Variants in NLRP8 observed in about 807,000 individuals in gnomAD.
NLRP8 encodes NACHT, LRR and PYD domains-containing protein 8.
Under a neutral mutation model 88.7 loss-of-function variants are expected in NLRP8, and 86 were observed. The observed-to-expected ratio is 0.97, with a 90% CI of 0.81 to 1.16. The LOEUF (loss-of-function observed/expected upper bound fraction) is 1.16, where lower values mean the gene tolerates loss of function less well. Among genes scored for constraint, NLRP8 ranks in the 50% most tolerant of loss-of-function variants. NLRP8 has a pLI of 0.00. For synonymous variants in NLRP8, 504 were observed against 494.6 expected, an observed-to-expected ratio of 1.02 and a Z score of -0.25; for missense variants, 1,342 against 1,286.5, an observed-to-expected ratio of 1.04 and a Z score of -0.66.
intron 1 of NLRP8, among the ~76,000 whole-genome samples, chr19:55,951,282 G>A (rs1019789654): frequency 6.6e-6 from 1 of 151,988 alleles, no homozygotes; most frequent in Non-Finnish European, 1.5e-5. Context: ...ACTAAATAAG[G>A]TGTCTTTAAA....
intron 9 of NLRP8, among the ~76,000 whole-genome samples, chr19:55,984,719 C>A (rs1192687399): frequency 6.6e-6 from 1 of 151,024 alleles, no homozygotes; most frequent in Non-Finnish European, 1.5e-5. Flanking sequence ...CGCCTGTAAT[C>A]CCACCCCTTT....
intron 5 of NLRP8, among the ~76,000 whole-genome samples, chr19:55,968,139 T>A (rs1979922570): frequency 6.6e-6 from 1 of 152,234 alleles, no homozygotes; most frequent in Non-Finnish European, 1.5e-5. Context: ...TTTTTAACCA[T>A]TTAAAAATTT....
At position 55,966,532 on chromosome 19, in the gene NLRP8, G is replaced by A. The variant is rs2123207278; in HGVS notation, c.2381+152G>A. The A allele has an allele frequency of 6.8e-6, 5 of 736,610 alleles. No individual in the cohort carries two copies. In the East Asian group the frequency reaches 1.1e-4, roughly 17 times the overall value. 45.6% of individuals were successfully genotyped at this position (736,610 alleles called of 1,614,324 possible). On this transcript the variant is annotated intron_variant, in intron 5 of 9. Coordinates refer to ENST00000291971, the MANE Select transcript of NLRP8 (RefSeq NM_176811.2). ...AAAAGTACAATTTGGGCCGGGCGCG[G>A]TGGCTCACGACTGTAATCCCAGCAC... is the stretch of plus-strand genomic sequence containing the variant.
chr19:55,962,955 C>T (rs1012414133), intron 4 of NLRP8, among the ~76,000 whole-genome samples: 2 of 152,074 alleles, frequency 1.3e-5, no homozygotes, highest in South Asian at 2.1e-4. Context: ...AAGCCACGTG[C>T]GACCTGAGCA....
At position 55,955,218 on chromosome 19, in the gene NLRP8, C is replaced by T. The variant is rs2123188865; in HGVS notation, c.1160C>T (p.Thr387Ile). Residue 387 changes from threonine to isoleucine, a missense_variant, in exon 3 of 10, where the codon ACC becomes ATC. Coordinates refer to ENST00000291971, the MANE Select transcript of NLRP8 (RefSeq NM_176811.2). ...GTCTTGAGTTTCGCCATGGAAAACA[C>T]CATTCTCTTCTCCATGTGCCGGGTC... is the stretch of plus-strand genomic sequence containing the variant. The T allele has an allele frequency of 6.2e-7, 1 of 1,614,154 alleles. No individual in the cohort carries two copies. Among genetic ancestry groups the T allele is most frequent in the African/African-American group, 1.3e-5 (1 of 75,042 alleles).
chr19:55,948,667 A>T (rs746597192), intron 1 of NLRP8, among the ~76,000 whole-genome samples: 1 of 152,048 alleles, frequency 6.6e-6, no homozygotes, highest in African/African-American at 2.4e-5. Context: ...CGAACTACTG[A>T]CCTCAGGTAA....
chr19:55,984,011 A>G (rs1980690096), intron 9 of NLRP8, among the ~76,000 whole-genome samples: 1 of 152,166 alleles, frequency 6.6e-6, no homozygotes, highest in Non-Finnish European at 1.5e-5. Flanking sequence ...CCCTAAGATA[A>G]AAATGAGAGC....
chr19:55,976,475 C>T (rs1464998943), intron 8 of NLRP8, among the ~76,000 whole-genome samples, 172 bp downstream of exon 8: 1 of 152,024 alleles, frequency 6.6e-6, no homozygotes, highest in African/African-American at 2.4e-5. Context: ...TGTGGATCAG[C>T]AGCAGTTTCG....
intron 1 of NLRP8, among the ~76,000 whole-genome samples, chr19:55,950,424 AAC>A (rs113284539): frequency 0.053 from 7,929 of 148,448 alleles, 663 homozygotes; most frequent in African/African-American, 0.18. Context: ...CATCTCAAGA[AAC>A]ACACACACAC....
intron 9 of NLRP8, among the ~76,000 whole-genome samples, chr19:55,980,803 C>G (rs1980540533): frequency 6.6e-6 from 1 of 152,090 alleles, no homozygotes; most frequent in Non-Finnish European, 1.5e-5. Flanking sequence ...AGCCCTGGTC[C>G]AGTGAGAGAG....
intron 5 of NLRP8, among the ~76,000 whole-genome samples, 168 bp from the exon 6 acceptor site, chr19:55,970,376 T>C (rs1302439514): frequency 6.6e-6 from 1 of 152,128 alleles, no homozygotes; most frequent in African/African-American, 2.4e-5. Flanking sequence ...GCTGATGACT[T>C]GGGAGGAAGT....
At position 55,955,316 on chromosome 19, in the gene NLRP8, T is replaced by C. The variant is rs1331293258; in HGVS notation, c.1258T>C (p.Cys420Arg). The change falls in exon 3 of 10, where the codon TGT becomes CGT. Residue 420 changes from cysteine (C) to arginine (R), a missense_variant. Cys to Arg is a radical substitution (Grantham distance 180). Coordinates refer to ENST00000291971, the MANE Select transcript of NLRP8 (RefSeq NM_176811.2). ...GAGAGGAAACAATCTCACACAGTCATGTCCAAATGCCACCTCTGTGTTCGT... is the reference window on the plus strand; with the variant it reads ...GAGAGGAAACAATCTCACACAGTCACGTCCAAATGCCACCTCTGTGTTCGT... 2 of 1,614,210 alleles carry C rather than the reference T, an allele frequency of 1.2e-6. No homozygotes were observed. Among genetic ancestry groups the C allele is most frequent in the East Asian group, 2.2e-5 (1 of 44,886 alleles).
intron 3 of NLRP8, 130 bp downstream of exon 3, chr19:55,956,230 C>G (rs1478858945): frequency 2.1e-6 from 2 of 943,026 alleles, no homozygotes; most frequent in Non-Finnish European, 3.1e-6. Context: ...CACAGTACTT[C>G]TGTTGCTTTG....
chr19:55,950,138 C>T (rs1410677113), intron 1 of NLRP8, among the ~76,000 whole-genome samples: 2 of 151,732 alleles, frequency 1.3e-5, no homozygotes, highest in East Asian at 1.9e-4. Context: ...AGGCCAGGCA[C>T]GGTGGCTCAC....
chr19:55,985,083 C>T (rs1980746611), intron 9 of NLRP8, among the ~76,000 whole-genome samples: 1 of 152,180 alleles, frequency 6.6e-6, no homozygotes, highest in Non-Finnish European at 1.5e-5. Context: ...GTGGGCGGAT[C>T]ACAAGGTCAG....
At chr19:55,973,900 T>G in intron 7 of NLRP8, 78 bp downstream of exon 7, 2 of 1,394,104 alleles carry the variant, frequency 1.4e-6, no homozygotes, top group Non-Finnish European at 9.8e-7. Flanking sequence ...ATATATTCAT[T>G]TATGTCACAT....
rs1232058981 is a variant in NLRP8, at chr19:55,957,677, ATATATATATATAT to A, written c.2042+1578_2042+1590del. ...TTAAAAAAGAAAAAATAATAATTATATATATATATATATATATATATATATATATATATATATA... is the reference window on the plus strand; with the variant it reads ...TTAAAAAAGAAAAAATAATAATTATAATATATATATATATATATATATATA... On this transcript the variant is annotated intron_variant, in intron 3 of 9. Transcript: ENST00000291971. Among the ~76,000 whole-genome samples, 119 of 11,968 alleles carry A rather than the reference ATATATATATATAT, an allele frequency of 9.9e-3. 4 individuals carry two copies. In the East Asian group the frequency reaches 0.14, roughly 14 times the overall value. 7.9% of individuals were successfully genotyped at this position (11,968 alleles called of 152,430 possible).
At chr19:55,951,840 C>G (rs915237179) in intron 1 of NLRP8, among the ~76,000 whole-genome samples, 3 of 152,206 alleles carry the variant, frequency 2.0e-5, no homozygotes, top group Admixed American at 6.5e-5. Context: ...GCCTCTGCCT[C>G]CTGAGCTCAA....
At position 55,953,520 on chromosome 19, in the gene NLRP8, G is replaced by A. The variant is rs143029252; in HGVS notation, c.442+908G>A. ...TTTCTTTCTTTATTTTTTTTGAGACGGAGTCTCGCTCTGTCGCCCAGGCTG... is the reference window on the plus strand; with the variant it reads ...TTTCTTTCTTTATTTTTTTTGAGACAGAGTCTCGCTCTGTCGCCCAGGCTG... On this transcript the variant is annotated intron_variant, in intron 2 of 9. Transcript: ENST00000291971. 1.5e-4 allele frequency among the ~76,000 whole-genome samples: 22 copies of A among 151,336 alleles called. No individual in the cohort carries two copies. In the East Asian group the frequency reaches 4.1e-3, roughly 28 times the overall value.
Sources: gnomAD v4.1 joint callset for allele counts (sites outside exome capture counted in the v4.1 genomes callset) on GRCh38, gnomAD v4.1.1 for gene constraint, MANE v1.5 for transcripts, NCBI Gene and HGNC (gene_info 2026-07-23, HGNC 2026-07-21) for gene names.